Variants in SCN1A observed in about 807,000 individuals in gnomAD.
The protein encoded by SCN1A is sodium voltage-gated channel alpha subunit 1, also known as sodium channel protein type 1 subunit alpha.
In SCN1A, 13 loss-of-function variants were observed where a neutral mutation model predicts 193.7. The observed-to-expected ratio is 0.07, with a 90% CI of 0.04 to 0.11. SCN1A has a LOEUF of 0.11. SCN1A is among the 10% of genes least tolerant of loss of function. SCN1A has a pLI of 1.00. For missense variants in SCN1A, 1,432 were observed against 2,451.1 expected (o/e 0.58, Z 8.78); for synonymous variants, 781 against 843.6 (o/e 0.93, Z 1.29).
At position 166,074,119 on chromosome 2, in the gene SCN1A, A is replaced by C. The variant is rs1019161118; in HGVS notation, c.-49-449T>G. On this transcript the variant is annotated intron_variant, in intron 3 of 28. Coordinates refer to ENST00000674923, the MANE Select transcript of SCN1A (RefSeq NM_001165963.4). ...AGGTCTGACAAGTGATTCCTGGCCA[A>C]GATAGTCAGGATAGTTTGCAGTGAC... 4.6e-5 allele frequency among the ~76,000 whole-genome samples: 7 copies of C among 152,306 alleles called. No homozygotes were observed. In the East Asian group the frequency reaches 1.4e-3, roughly 29 times the overall value.
rs1161484257 is a variant in SCN1A, at chr2:165,991,306, G to A, written c.5969C>T (p.Thr1990Ile). ...CTCATGTTTTTCCACAATTGGCTTT[G>A]TCACCCGGTCATAGGAAGGTGGACA... ...AACPPSYDRVTKPIVEKHEQE... is the reference protein window; with the variant it reads ...AACPPSYDRVIKPIVEKHEQE... Residue 1990 changes from threonine to isoleucine, a missense_variant, in exon 29 of 29, where the codon ACA becomes ATA. Coordinates refer to ENST00000674923, the MANE Select transcript of SCN1A (RefSeq NM_001165963.4). 6.2e-7 allele frequency: 1 copy of A among 1,613,346 alleles called. No homozygotes were observed. The highest frequency in any genetic ancestry group is 1.3e-5 in the African/African-American group (1 of 74,770).
At chr2:166,130,774 A>T (rs1353155475), upstream of SCN1A, among the ~76,000 whole-genome samples, 1 of 152,210 alleles carries the variant, frequency 6.6e-6, no homozygotes, top group Non-Finnish European at 1.5e-5. Context: ...CTGTACACAG[A>T]TACTTCATTC....
At chr2:165,985,435 A>G (rs908794695), downstream of SCN1A, 2 of 151,840 alleles carry the variant, frequency 1.3e-5, no homozygotes, top group African/African-American at 4.8e-5. Context: ...AGAAAAAGGA[A>G]GGGAAGGGAA....
At chr2:165,994,085 CT>C (rs2105446818) in intron 28 of SCN1A, 60 bp downstream of exon 28, 1 of 1,287,714 alleles carries the variant, frequency 7.8e-7, no homozygotes, top group Admixed American at 2.0e-5. Flanking sequence ...TGAATCTAAT[CT>C]TGATTGTTTC....
chr2:166,050,315 G>A (rs1186276101), intron 9 of SCN1A, among the ~76,000 whole-genome samples: 1 of 151,138 alleles, frequency 6.6e-6, no homozygotes, highest in African/African-American at 2.4e-5. Flanking sequence ...TTTCAGAAAT[G>A]AACCATTTTA....
chr2:165,992,919 A>G lies in SCN1A; in HGVS notation c.4853-497T>C, dbSNP rs550847552. On this transcript the variant is annotated intron_variant, in intron 28 of 28. Transcript: ENST00000674923. The surrounding 1 kb of genome is among the most constrained non-coding windows in gnomAD (Gnocchi z 6.5). ...ACTTAAATTCCACTCTAATATTTTT[A>G]TATACTCATTTATGTATGTTCTGGT... 6.5e-6 allele frequency: 1 copy of G among 153,172 alleles called. No individual in the cohort carries two copies. Among genetic ancestry groups the G allele is most frequent in the African/African-American group, 2.4e-5 (1 of 41,506 alleles). 9.5% of individuals were successfully genotyped at this position (153,172 alleles called of 1,614,324 possible). A position where few individuals can be genotyped will look rare whatever the true frequency, so the allele number is the denominator to read the frequency against.
chr2:166,092,863 T>C lies in SCN1A; in HGVS notation c.-141-15062A>G, dbSNP rs903878668. On this transcript the variant is annotated intron_variant, in intron 2 of 28. Transcript: ENST00000674923. ...TATAAAATGGGAATAATTTTTATAA[T>C]AACACATGATAGGTGCCAACTCAGC... 2.6e-5 allele frequency among the ~76,000 whole-genome samples: 4 copies of C among 152,266 alleles called. No individual in the cohort carries two copies. The South Asian group carries it at 8.3e-4, about 32-fold the overall frequency.
chr2:166,144,770 G>A (rs559978283), intron 1 of SCN1A, among the ~76,000 whole-genome samples: 1 of 152,030 alleles, frequency 6.6e-6, no homozygotes, highest in Non-Finnish European at 1.5e-5. Context: ...TGGAGACCTT[G>A]AGCCTTTATT....
chr2:166,029,442 G>A (rs1214218854), intron 19 of SCN1A, among the ~76,000 whole-genome samples: 2 of 152,068 alleles, frequency 1.3e-5, no homozygotes, highest in African/African-American at 4.8e-5. Context: ...AGAAGTAGTG[G>A]AGATAGTACT....
chr2:166,078,738 C>G (rs1685211760), intron 2 of SCN1A, among the ~76,000 whole-genome samples: 1 of 151,364 alleles, frequency 6.6e-6, no homozygotes, highest in African/African-American at 2.4e-5. Flanking sequence ...TTAAATGCAG[C>G]CTTTGAAAAA....
At chr2:166,098,611 CCA>C (rs2106124695) in intron 2 of SCN1A, among the ~76,000 whole-genome samples, 1 of 152,128 alleles carries the variant, frequency 6.6e-6, no homozygotes, top group South Asian at 2.1e-4. Flanking sequence ...AAACAAAACC[CCA>C]CAGTCTCTTC....
chr2:166,045,408 C>A, intron 12 of SCN1A, 81 bp from the exon 13 acceptor site: 1 of 1,460,564 alleles, frequency 6.8e-7, no homozygotes, highest in Non-Finnish European at 9.5e-7. Context: ...ATTTGCATGG[C>A]TTTTAAAAAA....
intron 23 of SCN1A, among the ~76,000 whole-genome samples, chr2:166,006,109 TTCAAA>T (rs1299020881): frequency 7.9e-5 from 12 of 151,306 alleles, no homozygotes; most frequent in Non-Finnish European, 1.8e-4. Context: ...TACTTTGAAC[TTCAAA>T]TCAACACTAT....
chr2:166,101,387 A>G (rs1410052707), intron 2 of SCN1A, among the ~76,000 whole-genome samples: 51 of 144,822 alleles, frequency 3.5e-4, no homozygotes, highest in South Asian at 2.4e-4. Flanking sequence ...GAGGGATAGC[A>G]TTGGGAGATA....
chr2:165,991,465 T>A lies in SCN1A; in HGVS notation c.5810A>T (p.Gln1937Leu). The A allele has an allele frequency of 6.2e-7, 1 of 1,613,914 alleles. No individual in the cohort carries two copies. The highest frequency in any genetic ancestry group is 8.5e-7 in the Non-Finnish European group (1 of 1,179,874). ...GTTTTTATTGTACGTAAAGGAAGCT[T>A]GTTTTACAGTTCGCTTTAAAAGGTG... ...RRHLLKRTVK[Q>L]ASFTYNKNKI... The change falls in exon 29 of 29, where the codon CAA becomes CTA. Residue 1937 changes from glutamine to leucine, a missense_variant. Around this residue, in one of 18 missense-constraint regions of SCN1A, gnomAD observed 148 missense variants for 160.3 expected, o/e 0.92. Transcript: ENST00000674923.
intron 18 of SCN1A, 32 bp from the exon 19 acceptor site, chr2:166,036,562 T>C (rs1696413647): frequency 1.2e-6 from 2 of 1,603,688 alleles, no homozygotes. Context: ...ATTATAATTT[T>C]ACACCAATGT....
At chr2:166,045,492 T>C (rs936042393) in intron 12 of SCN1A, among the ~76,000 whole-genome samples, 165 bp from the exon 13 acceptor site, 2 of 151,988 alleles carry the variant, frequency 1.3e-5, no homozygotes, top group African/African-American at 4.8e-5. Flanking sequence ...TTTTTTTCTT[T>C]CTACCTAATG....
chr2:166,103,605 C>T (rs1377059546), intron 2 of SCN1A, among the ~76,000 whole-genome samples: 1 of 151,870 alleles, frequency 6.6e-6, no homozygotes, highest in Non-Finnish European at 1.5e-5. Context: ...AGAGAAGCTT[C>T]CTAAGTAGGT....
chr2:166,092,066 C>A (rs1041825849), intron 2 of SCN1A, among the ~76,000 whole-genome samples: 8 of 151,978 alleles, frequency 5.3e-5, no homozygotes, highest in African/African-American at 1.9e-4. Context: ...ATATTTTTTT[C>A]TTTAAAATCC....
Sources: allele counts gnomAD v4.1 joint callset (sites outside exome capture counted in the v4.1 genomes callset), GRCh38; gene constraint gnomAD v4.1.1; regional missense constraint gnomAD v4.1.1; non-coding constraint Gnocchi (gnomAD v3.1); transcripts MANE v1.5; gene names NCBI Gene and HGNC (gene_info 2026-07-23, HGNC 2026-07-21).